Variants in PTK2 observed in about 807,000 individuals in gnomAD.
The protein encoded by PTK2 is focal adhesion kinase 1.
In PTK2, 45 loss-of-function variants were observed where a neutral mutation model predicts 150.1. That is an observed-to-expected ratio of 0.30 (90% CI 0.24 to 0.38). PTK2 has a LOEUF of 0.38. Among genes scored for constraint, PTK2 ranks in the 10% least tolerant of loss-of-function variants. The pLI, the probability that PTK2 is intolerant of heterozygous loss-of-function variation, is 1.00. For missense variants in PTK2, 919 were observed against 1,307.3 expected, an observed-to-expected ratio of 0.70 and a Z score of 4.58; for synonymous variants, 432 against 449.2, an observed-to-expected ratio of 0.96 and a Z score of 0.48.
intron 2 of PTK2, among the ~76,000 whole-genome samples, chr8:140,897,342 GCTC>G (rs1009822609): frequency 4.0e-5 from 6 of 151,618 alleles, no homozygotes; most frequent in African/African-American, 1.2e-4. Context: ...ATGTGATTTT[GCTC>G]CTATCCTTTC....
intron 14 of PTK2, among the ~76,000 whole-genome samples, chr8:140,782,523 G>A (rs545201198): frequency 4.6e-5 from 7 of 152,110 alleles, no homozygotes; most frequent in Admixed American, 2.6e-4. Context: ...CAGGCGTGAG[G>A]CACTGTGCCT....
At position 140,681,579 on chromosome 8, in the gene PTK2, C is replaced by T. The variant is rs550973568; in HGVS notation, c.2562+5053G>A. ...GATCACGAAGTCAGGAGATCGAGAC[C>T]ATCCCGGCTAACACAGTGAAACACC... On this transcript the variant is annotated intron_variant, in intron 27 of 31. Coordinates refer to ENST00000522684, the Ensembl canonical transcript of PTK2. 1.3e-4 allele frequency among the ~76,000 whole-genome samples: 20 copies of T among 152,070 alleles called. No homozygotes were observed. The East Asian group carries it at 1.6e-3, about 12-fold the overall frequency.
chr8:140,674,164 C>G (rs947524403), intron 29 of PTK2, 134 bp downstream of exon 32: 1 of 892,562 alleles, frequency 1.1e-6, no homozygotes, highest in Non-Finnish European at 1.9e-6. Flanking sequence ...ACTCCTGGGT[C>G]TCACTGCAGT....
intron 8 of PTK2, among the ~76,000 whole-genome samples, chr8:140,820,160 CGCAACCTCGGCTCACT>C (rs1318652180): frequency 3.0e-5 from 4 of 133,984 alleles, no homozygotes; most frequent in Admixed American, 8.5e-5. Context: ...AGTGCGGTGG[CGCAACCTCGGCTCACT>C]GCAACCTCTG....
At chr8:140,994,232 G>T (rs960276770) in intron 1 of PTK2, among the ~76,000 whole-genome samples, 14 of 152,146 alleles carry the variant, frequency 9.2e-5, no homozygotes, top group African/African-American at 3.4e-4. Flanking sequence ...AACTGCTAAG[G>T]GGGAGGACAG....
rs960495730 is a variant in PTK2, at chr8:140,926,182, A to G, written c.-121-433T>C. On this transcript the variant is annotated intron_variant, in intron 1 of 31. Transcript: ENST00000522684. ...CAATTTGCTGCAGTGCTTTACATCT[A>G]TTTTCTCAATTAATACTTTAAATAA... Among the ~76,000 whole-genome samples the G allele has an allele frequency of 2.0e-5, 3 of 152,236 alleles. No individual in the cohort carries two copies. The East Asian group carries it at 5.8e-4, about 29-fold the overall frequency.
intron 2 of PTK2, among the ~76,000 whole-genome samples, chr8:140,901,537 A>G (rs2100158435): frequency 6.6e-6 from 1 of 152,204 alleles, no homozygotes; most frequent in Admixed American, 6.5e-5. Flanking sequence ...ACAACGGATT[A>G]ATAACCAGAA....
intron 1 of PTK2, among the ~76,000 whole-genome samples, chr8:140,988,211 C>A (rs1422360803): frequency 6.6e-6 from 1 of 152,162 alleles, no homozygotes; most frequent in African/African-American, 2.4e-5. Context: ...TAGATGTAGA[C>A]CTTCAATGTA....
At chr8:140,871,372 A>G (rs2100142393) in intron 4 of PTK2, among the ~76,000 whole-genome samples, 1 of 152,250 alleles carries the variant, frequency 6.6e-6, no homozygotes, top group African/African-American at 2.4e-5. Context: ...ACTGGCAATG[A>G]AAAATCAGTA....
At chr8:140,800,784 A>C (rs2100094581) in intron 11 of PTK2, among the ~76,000 whole-genome samples, 1 of 152,202 alleles carries the variant, frequency 6.6e-6, no homozygotes, top group African/African-American at 2.4e-5. Flanking sequence ...CCAGATGAAA[A>C]CAGAAAAATC....
At chr8:140,688,727 C>T (rs1055800330) in intron 26 of PTK2, among the ~76,000 whole-genome samples, 6 of 152,258 alleles carry the variant, frequency 3.9e-5, no homozygotes, top group African/African-American at 1.4e-4. Context: ...TCTGTTAGAA[C>T]TCTCTCAATG....
upstream of PTK2, chr8:141,002,064 G>C (rs1272153623): frequency 6.6e-6 from 1 of 152,206 alleles, no homozygotes; most frequent in African/African-American, 2.4e-5. Context: ...ACACCGACCC[G>C]GGCTTCCGCG....
chr8:140,842,318 A>C (rs2100122826), intron 7 of PTK2, among the ~76,000 whole-genome samples: 1 of 152,068 alleles, frequency 6.6e-6, no homozygotes, highest in Non-Finnish European at 1.5e-5. Flanking sequence ...ATGAACAATA[A>C]CATTGTTTTC....
At chr8:140,808,089 TACC>T (rs2100099160) in intron 10 of PTK2, among the ~76,000 whole-genome samples, 1 of 152,074 alleles carries the variant, frequency 6.6e-6, no homozygotes, top group Non-Finnish European at 1.5e-5. Flanking sequence ...AAACATGAGG[TACC>T]AGGGAGAGAG....
At chr8:140,661,510 T>C (rs1662940250) in intron 31 of PTK2, among the ~76,000 whole-genome samples, 1 of 152,162 alleles carries the variant, frequency 6.6e-6, no homozygotes. Flanking sequence ...TGGCAGACAG[T>C]TGGAGATCAG....
At chr8:140,784,820 A>C (rs2100083966) in intron 14 of PTK2, among the ~76,000 whole-genome samples, 1 of 152,204 alleles carries the variant, frequency 6.6e-6, no homozygotes, top group East Asian at 1.9e-4. Flanking sequence ...TTAATCTTAC[A>C]CTTATTTTTG....
At chr8:140,694,681 A>T (rs1222311883) in intron 26 of PTK2, among the ~76,000 whole-genome samples, 1 of 152,200 alleles carries the variant, frequency 6.6e-6, no homozygotes, top group Non-Finnish European at 1.5e-5. Flanking sequence ...CTCATGCCAA[A>T]GGCCAAGACC....
At chr8:140,982,272 G>C (rs890895452) in intron 1 of PTK2, among the ~76,000 whole-genome samples, 1 of 152,154 alleles carries the variant, frequency 6.6e-6, no homozygotes, top group African/African-American at 2.4e-5. Context: ...ATACACATTG[G>C]ATCATTAAGA....
At chr8:140,838,056 C>T (rs1375970582) in intron 7 of PTK2, among the ~76,000 whole-genome samples, 2 of 150,958 alleles carry the variant, frequency 1.3e-5, no homozygotes, top group African/African-American at 4.9e-5. Context: ...AGCAAGACTC[C>T]ATCTCAAAAA....
Sources: gnomAD v4.1 joint callset for allele counts (sites outside exome capture counted in the v4.1 genomes callset) on GRCh38, gnomAD v4.1.1 for gene constraint, MANE v1.5 for transcripts, NCBI Gene and HGNC (gene_info 2026-07-23, HGNC 2026-07-21) for gene names.